NCAM2: variants seen among roughly 807,000 people sequenced by gnomAD.
NCAM2 encodes the protein neural cell adhesion molecule 2.
NCAM2 carries 30 observed loss-of-function variants against 98.1 expected under a neutral mutation model. The ratio of observed to expected loss-of-function variants is 0.31; its 90% confidence interval spans 0.23 to 0.41. The LOEUF (loss-of-function observed/expected upper bound fraction) is 0.41. NCAM2 is among the 10% of genes least tolerant of loss of function. The pLI, the probability that NCAM2 is intolerant of heterozygous loss-of-function variation, is 1.00. For synonymous variants in NCAM2, 368 were observed against 342.4 expected (o/e 1.07, Z -0.83); for missense variants, 867 against 1,005.8 (o/e 0.86, Z 1.87).
At chr21:21,369,750 C>T (rs1370942988) in intron 8 of NCAM2, among the ~76,000 whole-genome samples, 2 of 151,608 alleles carry the variant, frequency 1.3e-5, no homozygotes, top group Admixed American at 1.3e-4. Flanking sequence ...TGCTTGGGTA[C>T]TTCTTATTGT....
intron 5 of NCAM2, among the ~76,000 whole-genome samples, chr21:21,302,827 A>T (rs999971616): frequency 6.6e-6 from 1 of 152,196 alleles, no homozygotes; most frequent in Non-Finnish European, 1.5e-5. Flanking sequence ...ACTATTCACA[A>T]TAGTACACAC....
intron 1 of NCAM2, among the ~76,000 whole-genome samples, chr21:21,044,035 T>TTG (rs61626238): frequency 0.82 from 123,347 of 150,134 alleles, 51,085 homozygotes; most frequent in East Asian, 0.99. Context: ...TTTGAAGACT[T>TTG]TGTGTGTGTG....
rs988886878 is a variant in NCAM2 at position 21,240,381 on chromosome 21, A to G, written c.56-40197A>G. 8.5e-5 allele frequency among the ~76,000 whole-genome samples: 13 copies of G among 152,076 alleles called. No homozygotes were observed. The East Asian group carries it at 1.9e-3, about 23-fold the overall frequency. Reference sequence around the variant, plus strand: ...AATTTTGCTAAAATGCTAAAAAAAAAAAAAGCAAAAAAAGCTACAATTTTG... The same window carrying G: ...AATTTTGCTAAAATGCTAAAAAAAAGAAAAGCAAAAAAAGCTACAATTTTG... On this transcript the variant is annotated intron_variant, in intron 1 of 17. Transcript: ENST00000400546.
chr21:21,436,818 G>A (rs1232471586), intron 12 of NCAM2, among the ~76,000 whole-genome samples: 1 of 150,696 alleles, frequency 6.6e-6, no homozygotes, highest in Admixed American at 6.6e-5. Flanking sequence ...CTAGAGGACA[G>A]TGGCGTGATC....
At chr21:21,515,903 G>A (rs964852428) in intron 16 of NCAM2, among the ~76,000 whole-genome samples, 8 of 152,006 alleles carry the variant, frequency 5.3e-5, no homozygotes, top group Admixed American at 3.3e-4. Context: ...TGTATTCCTT[G>A]CCTATAAAAA....
chr21:21,049,799 A>T (rs2146290063), intron 1 of NCAM2, among the ~76,000 whole-genome samples: 1 of 152,026 alleles, frequency 6.6e-6, no homozygotes, highest in Middle Eastern at 3.4e-3. Flanking sequence ...TGAACCTGGG[A>T]GGCGGAGGTT....
At chr21:21,345,586 A>G (rs994369897) in intron 8 of NCAM2, among the ~76,000 whole-genome samples, 1 of 152,046 alleles carries the variant, frequency 6.6e-6, no homozygotes, top group Admixed American at 6.6e-5. Context: ...GGAGAAAAAA[A>G]GAATAAAAAA....
chr21:21,201,635 G>A (rs2069225205), intron 1 of NCAM2, among the ~76,000 whole-genome samples: 1 of 152,152 alleles, frequency 6.6e-6, no homozygotes, highest in Non-Finnish European at 1.5e-5. Context: ...GGTACACAAT[G>A]TAGTTCAACC....
chr21:21,342,258 C>G (rs1038092318), intron 8 of NCAM2, among the ~76,000 whole-genome samples: 1 of 152,152 alleles, frequency 6.6e-6, no homozygotes, highest in Non-Finnish European at 1.5e-5. Context: ...ATGGCACAAA[C>G]CAATAATTTT....
chr21:21,177,236 C>T (rs1331484493), intron 1 of NCAM2, among the ~76,000 whole-genome samples: 3 of 151,856 alleles, frequency 2.0e-5, no homozygotes, highest in Admixed American at 2.0e-4. Context: ...CAAATTATAT[C>T]CTACAAATAA....
chr21:21,400,282 A>T (rs1372870824), intron 9 of NCAM2, among the ~76,000 whole-genome samples: 2 of 152,146 alleles, frequency 1.3e-5, no homozygotes, highest in African/African-American at 4.8e-5. Context: ...TCTAGGTCAG[A>T]CTTCTGCCTG....
chr21:21,473,015 C>A (rs895036630), intron 14 of NCAM2, among the ~76,000 whole-genome samples: 1 of 150,818 alleles, frequency 6.6e-6, no homozygotes, highest in East Asian at 1.9e-4. Context: ...CACACACACA[C>A]GTATATATAA....
chr21:21,543,082 T>C lies in NCAM2; in HGVS notation c.*5125T>C, dbSNP rs1415451687. The C allele has an allele frequency of 6.6e-6, 1 of 151,930 alleles. No individual in the cohort carries two copies. 9.4% of individuals were successfully genotyped at this position (151,930 alleles called of 1,614,324 possible). Reference sequence around the variant, plus strand: ...GTATGTACTGAAACATACTATCTTTTATTTTCTTTAATTTATATATTCCAT... The same window carrying C: ...GTATGTACTGAAACATACTATCTTTCATTTTCTTTAATTTATATATTCCAT... On this transcript the variant is annotated 3_prime_UTR_variant, in exon 18 of 18. Coordinates refer to ENST00000400546, the MANE Select transcript of NCAM2 (RefSeq NM_004540.5).
At chr21:21,297,410 T>A (rs1283563499) in intron 5 of NCAM2, among the ~76,000 whole-genome samples, 1 of 151,742 alleles carries the variant, frequency 6.6e-6, no homozygotes, top group Non-Finnish European at 1.5e-5. Flanking sequence ...CTCTCCAACC[T>A]GCCTAAAACC....
chr21:21,495,892 A>AT (rs1229742333), intron 15 of NCAM2, among the ~76,000 whole-genome samples: 6 of 150,670 alleles, frequency 4.0e-5, no homozygotes, highest in African/African-American at 7.3e-5. Context: ...ACCTCACATT[A>AT]TTTTTTTTGC....
At chr21:21,101,409 T>C (rs536397702) in intron 1 of NCAM2, among the ~76,000 whole-genome samples, 3 of 152,174 alleles carry the variant, frequency 2.0e-5, no homozygotes, top group Non-Finnish European at 4.4e-5. Context: ...CTTTTTACTT[T>C]TGGAAGCATA....
chr21:21,125,805 G>C (rs917675439), intron 1 of NCAM2, among the ~76,000 whole-genome samples: 1 of 149,052 alleles, frequency 6.7e-6, no homozygotes, highest in Non-Finnish European at 1.5e-5. Flanking sequence ...TGTTAAAATT[G>C]AATGGATTTA....
At chr21:21,417,536 A>G (rs2145952101) in intron 10 of NCAM2, among the ~76,000 whole-genome samples, 1 of 152,180 alleles carries the variant, frequency 6.6e-6, no homozygotes, top group Admixed American at 6.5e-5. Flanking sequence ...TGAAATTAAC[A>G]GCAACTCTTG....
chr21:21,239,802 T>G (rs2070993391), intron 1 of NCAM2, among the ~76,000 whole-genome samples: 1 of 152,150 alleles, frequency 6.6e-6, no homozygotes. Context: ...TATATACACC[T>G]TAAATACAGA....
Sources: gnomAD v4.1 joint callset for allele counts (sites outside exome capture counted in the v4.1 genomes callset) on GRCh38, gnomAD v4.1.1 for gene constraint, MANE v1.5 for transcripts, NCBI Gene and HGNC (gene_info 2026-07-23, HGNC 2026-07-21) for gene names.